The following LRRIQ1 variants were observed in gnomAD, a reference collection of about 807,000 sequenced individuals.
LRRIQ1 encodes leucine rich repeats and IQ motif containing 1.
LRRIQ1 carries 210 observed loss-of-function variants against 211.9 expected under a neutral mutation model. The observed-to-expected ratio is 0.99, with a 90% CI of 0.89 to 1.11. The LOEUF (loss-of-function observed/expected upper bound fraction) is 1.11. Among genes scored for constraint, LRRIQ1 ranks in the 50% most tolerant of loss-of-function variants. The pLI, the probability that LRRIQ1 is intolerant of heterozygous loss-of-function variation, is 0.00. For synonymous variants in LRRIQ1, 699 were observed against 650.1 expected, an observed-to-expected ratio of 1.08 and a Z score of -1.14; for missense variants, 2,136 against 1,939.5, an observed-to-expected ratio of 1.10 and a Z score of -1.90.
At chr12:85,059,597 A>G (rs1162167357) in intron 8 of LRRIQ1, among the ~76,000 whole-genome samples, 1 of 152,044 alleles carries the variant, frequency 6.6e-6, no homozygotes, top group Non-Finnish European at 1.5e-5. Flanking sequence ...TCACACCATC[A>G]TAAAATTTAA....
intron 15 of LRRIQ1, 96 bp downstream of exon 15, chr12:85,106,711 TAA>T (rs1886811711): frequency 2.6e-6 from 2 of 768,128 alleles, no homozygotes; most frequent in Non-Finnish European, 2.1e-6. Flanking sequence ...TTACCTAGGA[TAA>T]GTTAATTAAA....
intron 24 of LRRIQ1, among the ~76,000 whole-genome samples, chr12:85,228,202 C>T (rs1894763456): frequency 6.6e-6 from 1 of 152,260 alleles, no homozygotes; most frequent in South Asian, 2.1e-4. Flanking sequence ...AGCTTCTGCA[C>T]AGCAAAAGAA....
At chr12:85,221,684 G>C (rs988434819) in intron 24 of LRRIQ1, among the ~76,000 whole-genome samples, 3 of 152,156 alleles carry the variant, frequency 2.0e-5, no homozygotes, top group African/African-American at 7.2e-5. Context: ...GCAAAGGTCT[G>C]TGGGCAAAAG....
Position 85,160,639 on chromosome 12 carries a change from A to C in LRRIQ1, c.4747A>C (p.Lys1583Gln), listed in dbSNP as rs1353901385. Residue 1583 changes from lysine to glutamine, a missense_variant, in exon 24 of 27, where the codon AAA (lysine) becomes CAA (glutamine). Transcript: ENST00000393217. ...IDSTVRLALFKNNENKVSLPK... is the reference protein window; with the variant it reads ...IDSTVRLALFQNNENKVSLPK... The stretch of plus-strand genomic sequence containing the variant: ...TTCCACTGTGCGTCTAGCCTTATTC[A>C]AAAACAATGAAAATAAAGTGTCTCT... The C allele has an allele frequency of 1.2e-6, 2 of 1,609,480 alleles. No homozygotes were observed. The highest frequency in any genetic ancestry group is 1.7e-6 in the Non-Finnish European group (2 of 1,176,664).
intron 11 of LRRIQ1, among the ~76,000 whole-genome samples, chr12:85,075,663 C>T (rs920486919): frequency 1.3e-5 from 2 of 151,998 alleles, no homozygotes; most frequent in African/African-American, 4.8e-5. Context: ...CCACCTCCAG[C>T]ATTGAGGATT....
At chr12:85,097,243 A>G (rs1442731624) in intron 11 of LRRIQ1, among the ~76,000 whole-genome samples, 1 of 152,198 alleles carries the variant, frequency 6.6e-6, no homozygotes, top group Non-Finnish European at 1.5e-5. Flanking sequence ...CTTAACAGGA[A>G]GTATGACCGG....
the LRRIQ1 span, among the ~76,000 whole-genome samples, chr12:85,271,823 T>C: frequency 6.6e-6 from 1 of 152,182 alleles, no homozygotes; most frequent in Admixed American, 6.5e-5. Flanking sequence ...AATCCTATCA[T>C]GCTACCTTTG....
Position 85,253,432 on chromosome 12 carries a change from A to G in LRRIQ1, c.121+8523A>G, listed in dbSNP as rs191386481. 5.9e-5 allele frequency among the ~76,000 whole-genome samples: 9 copies of G among 152,196 alleles called. No homozygotes were observed. In the East Asian group the frequency reaches 1.7e-3, roughly 29 times the overall value. On this transcript the variant is annotated intron_variant, in intron 1 of 1. Transcript: ENST00000602731. ...AGTCCCTTATATATTTCAGGGAAGTATAGCTCTGGTACTGGACCAGCACCT... is the reference window on the plus strand; with the variant it reads ...AGTCCCTTATATATTTCAGGGAAGTGTAGCTCTGGTACTGGACCAGCACCT...
chr12:85,076,485 C>T (rs143028258), intron 11 of LRRIQ1: 1 of 239,972 alleles, frequency 4.2e-6, no homozygotes, highest in Non-Finnish European at 6.7e-6. Flanking sequence ...ATAAATTTCA[C>T]ATCATATATT....
At chr12:85,105,428 C>G (rs1415065671) in intron 14 of LRRIQ1, among the ~76,000 whole-genome samples, 1 of 152,090 alleles carries the variant, frequency 6.6e-6, no homozygotes, top group Non-Finnish European at 1.5e-5. Flanking sequence ...TCTAGCCACA[C>G]TGGTTGAATA....
chr12:85,093,154 T>C (rs1885557523), intron 11 of LRRIQ1, among the ~76,000 whole-genome samples: 1 of 152,180 alleles, frequency 6.6e-6, no homozygotes, highest in Non-Finnish European at 1.5e-5. Context: ...ACTTTTGTTG[T>C]CAACCAACAC....
intron 24 of LRRIQ1, among the ~76,000 whole-genome samples, chr12:85,207,770 A>G (rs1893634752): frequency 6.6e-6 from 1 of 152,122 alleles, no homozygotes; most frequent in Non-Finnish European, 1.5e-5. Context: ...TTCCGACATC[A>G]TTTGATGAAA....
chr12:85,210,663 T>A (rs541787392), intron 24 of LRRIQ1, among the ~76,000 whole-genome samples: 1 of 152,356 alleles, frequency 6.6e-6, no homozygotes, highest in African/African-American at 2.4e-5. Flanking sequence ...ATTGGTTTCG[T>A]ATACAAGATG....
chr12:85,228,487 G>C lies in LRRIQ1; in HGVS notation c.4823-1030G>C, dbSNP rs1894777537. 3.3e-5 allele frequency among the ~76,000 whole-genome samples: 5 copies of C among 152,090 alleles called. No individual in the cohort carries two copies. In the South Asian group the frequency reaches 1.0e-3, roughly 32 times the overall value. On this transcript the variant is annotated intron_variant, in intron 24 of 26. Coordinates refer to ENST00000393217, the MANE Select transcript of LRRIQ1 (RefSeq NM_001079910.2). ...ACATAAGGTCGCATAAGAAGCAATA[G>C]GAACTTTACTAAGTAACAGAGTTTT...
At chr12:85,074,768 T>A (rs1883459263) in intron 11 of LRRIQ1, among the ~76,000 whole-genome samples, 1 of 152,100 alleles carries the variant, frequency 6.6e-6, no homozygotes, top group Non-Finnish European at 1.5e-5. Context: ...AAAAATATAT[T>A]GAATGAATGT....
intron 24 of LRRIQ1, among the ~76,000 whole-genome samples, chr12:85,183,670 C>T (rs2136898945): frequency 6.6e-6 from 1 of 152,210 alleles, no homozygotes; most frequent in Admixed American, 6.5e-5. Flanking sequence ...GTTACCATGA[C>T]AAGTTTTAAA....
intron 19 of LRRIQ1, among the ~76,000 whole-genome samples, chr12:85,149,968 GA>G (rs1300635691): frequency 6.6e-6 from 1 of 151,748 alleles, no homozygotes; most frequent in African/African-American, 2.4e-5. Context: ...CCTTTCCAAG[GA>G]AGAGCACTCT....
intron 11 of LRRIQ1, among the ~76,000 whole-genome samples, chr12:85,096,129 T>C (rs1049970649): frequency 2.0e-5 from 3 of 152,178 alleles, no homozygotes; most frequent in Non-Finnish European, 4.4e-5. Flanking sequence ...TTTTGTTTAT[T>C]CTTTGTGTGG....
At chr12:85,227,132 G>C (rs888973976) in intron 24 of LRRIQ1, among the ~76,000 whole-genome samples, 2 of 151,622 alleles carry the variant, frequency 1.3e-5, no homozygotes, top group Non-Finnish European at 2.9e-5. Context: ...TTCCACAATG[G>C]TTGAACTAGT....
Sources: gnomAD v4.1 joint callset for allele counts (sites outside exome capture counted in the v4.1 genomes callset) on GRCh38, gnomAD v4.1.1 for gene constraint, MANE v1.5 for transcripts, NCBI Gene and HGNC (gene_info 2026-07-23, HGNC 2026-07-21) for gene names.